The following DPP10 variants were observed in gnomAD, a reference collection of about 807,000 sequenced individuals.
DPP10 encodes the protein inactive dipeptidyl peptidase 10.
Under a neutral mutation model 120.9 loss-of-function variants are expected in DPP10, and 33 were observed. The observed-to-expected ratio is 0.27, with a 90% CI of 0.21 to 0.37. DPP10 has a LOEUF of 0.37. Among genes scored for constraint, DPP10 ranks in the 10% least tolerant of loss-of-function variants. The probability of loss-of-function intolerance (pLI) is 1.00; values close to 1 mark genes in which losing one functional copy is unlikely to be tolerated. For missense variants in DPP10, 816 were observed against 942.8 expected, an observed-to-expected ratio of 0.87 and a Z score of 1.76; for synonymous variants, 337 against 326.1, an observed-to-expected ratio of 1.03 and a Z score of -0.36.
intron 5 of DPP10, among the ~76,000 whole-genome samples, chr2:115,564,883 A>T (rs1162543084): frequency 6.6e-6 from 1 of 152,194 alleles, no homozygotes; most frequent in Non-Finnish European, 1.5e-5. Context: ...GAGTGGGAAG[A>T]GCTGGAGGTC....
At chr2:115,042,839 A>C (rs1466174175) in intron 1 of DPP10, among the ~76,000 whole-genome samples, 5 of 152,296 alleles carry the variant, frequency 3.3e-5, no homozygotes, top group Non-Finnish European at 5.9e-5. Flanking sequence ...TTCCCACCTC[A>C]TAGTGTATAC....
chr2:114,945,232 T>C (rs1697258070), intron 1 of DPP10, among the ~76,000 whole-genome samples: 1 of 152,228 alleles, frequency 6.6e-6, no homozygotes, highest in African/African-American at 2.4e-5. Flanking sequence ...AACAAATTGA[T>C]ACGTTGCATT....
chr2:114,547,465 TC>T (rs998114621), intron 1 of DPP10, among the ~76,000 whole-genome samples: 37 of 152,104 alleles, frequency 2.4e-4, no homozygotes, highest in Admixed American at 1.8e-3. Flanking sequence ...TTTTTTTTTT[TC>T]CTTTTTCCAT....
intron 1 of DPP10, among the ~76,000 whole-genome samples, chr2:114,972,850 T>G (rs2104798654): frequency 6.6e-6 from 1 of 152,272 alleles, no homozygotes; most frequent in African/African-American, 2.4e-5. Context: ...ATAAGCTCCA[T>G]AACAGAAGAA....
At chr2:114,993,199 C>G (rs1203900491) in intron 1 of DPP10, among the ~76,000 whole-genome samples, 1 of 152,162 alleles carries the variant, frequency 6.6e-6, no homozygotes, top group African/African-American at 2.4e-5. Context: ...TTTCTCCCTA[C>G]AGTTCCCAGA....
At chr2:114,564,740 A>G (rs1689068877) in intron 1 of DPP10, among the ~76,000 whole-genome samples, 1 of 152,204 alleles carries the variant, frequency 6.6e-6, no homozygotes, top group Admixed American at 6.5e-5. Flanking sequence ...GAATGAAAAG[A>G]AAGACAAAAG....
At chr2:115,361,600 C>T (rs1477270513) in intron 3 of DPP10, among the ~76,000 whole-genome samples, 2 of 152,124 alleles carry the variant, frequency 1.3e-5, no homozygotes, top group African/African-American at 4.8e-5. Context: ...AAGCAGTTCC[C>T]CTGCCGATTC....
rs539794356 is a variant in DPP10, at chr2:115,758,572, A to AT, written c.1075-3992dup. ...ATAATACCAATTAAAGTCCCTTCTG[A>AT]TTTTTTTTGTAGAAACAGACAAGCT... On this transcript the variant is annotated intron_variant, in intron 11 of 25. Transcript: ENST00000410059. Among the ~76,000 whole-genome samples the AT allele has an allele frequency of 3.8e-3, 574 of 152,010 alleles. 3 individuals carry two copies. Among genetic ancestry groups the AT allele is most frequent in the Admixed American group, 3.4e-3 (52 of 15,252 alleles).
At chr2:115,433,188 A>G (rs1233708983) in intron 3 of DPP10, among the ~76,000 whole-genome samples, 12 of 152,026 alleles carry the variant, frequency 7.9e-5, no homozygotes, top group African/African-American at 2.9e-4. Context: ...TAATGTAACA[A>G]TTTTTATAAA....
chr2:115,742,071 GT>G (rs1399678788), intron 9 of DPP10, among the ~76,000 whole-genome samples: 3 of 152,042 alleles, frequency 2.0e-5, no homozygotes, highest in Non-Finnish European at 4.4e-5. Flanking sequence ...TAAACTTTAT[GT>G]TTTCAGGGAG....
At chr2:115,615,840 A>G (rs2084453645) in intron 5 of DPP10, among the ~76,000 whole-genome samples, 1 of 152,100 alleles carries the variant, frequency 6.6e-6, no homozygotes, top group Admixed American at 6.6e-5. Context: ...TATATTAGAG[A>G]ATTAAGTTTG....
At chr2:115,624,666 T>C (rs1263146651) in intron 5 of DPP10, among the ~76,000 whole-genome samples, 1 of 152,230 alleles carries the variant, frequency 6.6e-6, no homozygotes, top group African/African-American at 2.4e-5. Flanking sequence ...ATTTCAGTTA[T>C]TGTGAAGCAC....
chr2:114,937,777 G>A (rs543620466), intron 1 of DPP10, among the ~76,000 whole-genome samples: 3 of 152,188 alleles, frequency 2.0e-5, no homozygotes, highest in Admixed American at 2.0e-4. Flanking sequence ...AAGCAAGGTC[G>A]GGCCTGGCTA....
chr2:115,006,105 T>C lies in DPP10; in HGVS notation c.61-303134T>C, dbSNP rs201766177. On this transcript the variant is annotated intron_variant, in intron 1 of 25. Transcript: ENST00000410059. ...AGAATTTTCAATCCAGAATTTCATA[T>C]CCAGGCAAACTAAGTTTCATAAGTG... Among the ~76,000 whole-genome samples, 8 of 152,184 alleles carry C rather than the reference T, an allele frequency of 5.3e-5. No homozygotes were observed. In the East Asian group the frequency reaches 1.5e-3, roughly 29 times the overall value.
At chr2:114,609,797 A>T (rs1172374383) in intron 1 of DPP10, among the ~76,000 whole-genome samples, 4 of 152,190 alleles carry the variant, frequency 2.6e-5, no homozygotes, top group African/African-American at 9.6e-5. Context: ...AAAGAGCATC[A>T]ACAAGAATTG....
At chr2:115,628,344 G>A (rs761874038) in intron 5 of DPP10, among the ~76,000 whole-genome samples, 4 of 151,880 alleles carry the variant, frequency 2.6e-5, no homozygotes, top group Non-Finnish European at 5.9e-5. Context: ...CATGTCCTTT[G>A]CCCACTTTTT....
At chr2:115,101,064 G>A (rs993179887) in intron 1 of DPP10, among the ~76,000 whole-genome samples, 8 of 152,158 alleles carry the variant, frequency 5.3e-5, no homozygotes, top group South Asian at 2.1e-4. Flanking sequence ...TTTCCTGCTC[G>A]GCCCACCAGT....
At chr2:114,613,334 A>G (rs1693425154) in intron 1 of DPP10, among the ~76,000 whole-genome samples, 1 of 152,212 alleles carries the variant, frequency 6.6e-6, no homozygotes. Context: ...ATCTTTTAGA[A>G]GAAGAAACTG....
chr2:114,778,872 T>C (rs1342097617), intron 1 of DPP10, among the ~76,000 whole-genome samples: 1 of 152,110 alleles, frequency 6.6e-6, no homozygotes, highest in African/African-American at 2.4e-5. Context: ...ATGAATTTAA[T>C]TGACCGAAAG....
Sources: gnomAD v4.1 joint callset for allele counts (sites outside exome capture counted in the v4.1 genomes callset) on GRCh38, gnomAD v4.1.1 for gene constraint, MANE v1.5 for transcripts, NCBI Gene and HGNC (gene_info 2026-07-23, HGNC 2026-07-21) for gene names.